TNFRSF19: variants seen among roughly 807,000 people sequenced by gnomAD.
TNFRSF19 encodes tumor necrosis factor receptor superfamily member 19.
In TNFRSF19, 27 loss-of-function variants were observed where a neutral mutation model predicts 46.4. The observed-to-expected ratio is 0.58, with a 90% CI of 0.43 to 0.80. TNFRSF19 has a LOEUF of 0.80. Among genes scored for constraint, TNFRSF19 ranks in the 30% least tolerant of loss-of-function variants. The probability of loss-of-function intolerance (pLI) is 0.00; values close to 1 mark genes in which losing one functional copy is unlikely to be tolerated. For synonymous variants in TNFRSF19, 204 were observed against 205.0 expected, an observed-to-expected ratio of 1.00 and a Z score of 0.04; for missense variants, 511 against 530.8, an observed-to-expected ratio of 0.96 and a Z score of 0.37.
chr13:23,583,223 A>C (rs951416628), intron 1 of TNFRSF19, among the ~76,000 whole-genome samples: 15 of 152,186 alleles, frequency 9.9e-5, no homozygotes, highest in African/African-American at 3.6e-4. Context: ...GTGTGACCAG[A>C]TGTTGTATTT....
At chr13:23,593,507 G>A (rs373822717) in intron 3 of TNFRSF19, 52 bp downstream of exon 3, 25 of 1,202,468 alleles carry the variant, frequency 2.1e-5, no homozygotes, top group Admixed American at 1.5e-4. Flanking sequence ...AAATGCATTC[G>A]TCTTAACTCA....
In TNFRSF19 at chr13:23,615,738, G is replaced by A. The variant is rs554955683; in HGVS notation, c.181-129G>A. 91 of 873,686 alleles carry A rather than the reference G, an allele frequency of 1.0e-4. 3 individuals carry two copies. The South Asian group carries it at 2.2e-3, about 21-fold the overall frequency. The allele number at this position is 873,686 out of a possible 1,614,324, so 54.1% of individuals were successfully genotyped here. A position where few individuals can be genotyped will look rare whatever the true frequency, so the allele number is the denominator to read the frequency against. ...AGACACATTTGAACTTGCTGAAAGA[G>A]CTGCCTTTGTGTCTAGGAAGGCCGA... is the stretch of plus-strand genomic sequence containing the variant. On this transcript the variant is annotated intron_variant, in intron 3 of 9. Coordinates refer to ENST00000248484, the MANE Select transcript of TNFRSF19 (RefSeq NM_148957.4).
At chr13:23,591,668 G>C (rs974760766) in intron 2 of TNFRSF19, among the ~76,000 whole-genome samples, 3 of 151,444 alleles carry the variant, frequency 2.0e-5, no homozygotes, top group Non-Finnish European at 4.4e-5. Flanking sequence ...GCAAGACTGG[G>C]AGTTGAGGAG....
At position 23,570,630 on chromosome 13, in the gene TNFRSF19, C is replaced by CATAT. The variant is rs551545388; in HGVS notation, c.-247_-244dup. On this transcript the variant is annotated 5_prime_UTR_variant, in exon 1 of 10. It introduces an in-frame stop codon into an upstream open reading frame of the 5' UTR. Coordinates refer to ENST00000248484, the MANE Select transcript of TNFRSF19 (RefSeq NM_148957.4). ...AAGTGAACTTTCTTTGATATCCATG[C>CATAT]ATATATATAAACTCAGCCCTGCCTT... 4.2e-3 allele frequency: 644 copies of CATAT among 152,298 alleles called. 3 individuals are homozygous for CATAT. The highest frequency in any genetic ancestry group is 0.015 in the African/African-American group (610 of 41,550). 9.4% of individuals were successfully genotyped at this position (152,298 alleles called of 1,614,324 possible).
intron 5 of TNFRSF19, among the ~76,000 whole-genome samples, chr13:23,643,397 T>C (rs1883138194): frequency 6.6e-6 from 1 of 152,220 alleles, no homozygotes; most frequent in Non-Finnish European, 1.5e-5. Flanking sequence ...AATGGGATAA[T>C]AGAAACCATT....
chr13:23,607,301 G>C (rs1250248444), intron 3 of TNFRSF19, among the ~76,000 whole-genome samples: 1 of 152,066 alleles, frequency 6.6e-6, no homozygotes, highest in Non-Finnish European at 1.5e-5. Flanking sequence ...AGGTGTGGTG[G>C]TGGGCGCCTT....
intron 4 of TNFRSF19, among the ~76,000 whole-genome samples, chr13:23,617,955 C>T (rs147346397): frequency 1.2e-3 from 176 of 152,116 alleles, no homozygotes; most frequent in African/African-American, 4.1e-3. Context: ...CCAGATGTCC[C>T]GGGGGTGGGG....
rs570239655 is a variant in TNFRSF19 at position 23,574,717 on chromosome 13, T to C, written c.-35+3869T>C. On this transcript the variant is annotated intron_variant, in intron 1 of 9. Coordinates refer to ENST00000248484, the MANE Select transcript of TNFRSF19 (RefSeq NM_148957.4). Reference sequence around the variant, plus strand: ...CTTTAAAGGATGGTTCTTTAAAACGTTGTCCACCTGGGTGAGCTCTGTGAT... The same window carrying C: ...CTTTAAAGGATGGTTCTTTAAAACGCTGTCCACCTGGGTGAGCTCTGTGAT... Among the ~76,000 whole-genome samples the C allele has an allele frequency of 1.6e-4, 24 of 152,288 alleles. No individual in the cohort carries two copies. In the South Asian group the frequency reaches 4.8e-3, roughly 30 times the overall value.
intron 3 of TNFRSF19, among the ~76,000 whole-genome samples, chr13:23,611,075 C>G (rs573293671): frequency 2.6e-5 from 4 of 152,126 alleles, no homozygotes; most frequent in African/African-American, 9.6e-5. Flanking sequence ...GATGGACATA[C>G]TCTGCCTATA....
At chr13:23,596,551 C>G (rs879926914) in intron 3 of TNFRSF19, among the ~76,000 whole-genome samples, 2 of 152,150 alleles carry the variant, frequency 1.3e-5, no homozygotes, top group Admixed American at 6.5e-5. Context: ...GAAGGGCTAA[C>G]TATCCTAAAT....
At chr13:23,671,663 A>G (rs956336818) in intron 9 of TNFRSF19, among the ~76,000 whole-genome samples, 1 of 152,098 alleles carries the variant, frequency 6.6e-6, no homozygotes, top group African/African-American at 2.4e-5. Context: ...TTCTTTCCCA[A>G]TCTAAATTCC....
intron 7 of TNFRSF19, among the ~76,000 whole-genome samples, chr13:23,664,585 G>T (rs190306834): frequency 6.6e-6 from 1 of 152,094 alleles, no homozygotes; most frequent in Admixed American, 6.6e-5. Flanking sequence ...GCACCATTTT[G>T]TCTAATAACC....
Position 23,669,024 on chromosome 13 carries a change from CACTA to C in TNFRSF19, c.1177_1180del (p.Thr393Ter), listed in dbSNP as rs1565956841. On this transcript the variant is annotated frameshift_variant, in exon 9 of 10. Coordinates refer to ENST00000248484, the MANE Select transcript of TNFRSF19 (RefSeq NM_148957.4). LOFTEE classifies it high-confidence loss of function. ...GTAGAATCAGCATCAACTCAGGATG[CACTA>C]ACTATGAGAAGCCAGCTAGATCAGG... 4 of 1,614,082 alleles carry C rather than the reference CACTA, an allele frequency of 2.5e-6. No individual in the cohort carries two copies. Among genetic ancestry groups the C allele is most frequent in the Middle Eastern group, 1.6e-4 (1 of 6,084 alleles).
intron 5 of TNFRSF19, among the ~76,000 whole-genome samples, chr13:23,643,795 C>A (rs1276086621): frequency 1.3e-5 from 2 of 152,218 alleles, no homozygotes; most frequent in Non-Finnish European, 2.9e-5. Context: ...ACCTCCACCC[C>A]ACAATGCCCC....
In TNFRSF19 at chr13:23,669,288, A is replaced by G. The variant is rs3751359; in HGVS notation, c.1245+191A>G. On this transcript the variant is annotated intron_variant, in intron 9 of 9. Coordinates refer to ENST00000248484, the MANE Select transcript of TNFRSF19 (RefSeq NM_148957.4). ...TTTAAAAAACTAACACAGCTAATATATAAGAGCAAAGTGGACAGCTGCATT... is the reference window on the plus strand; with the variant it reads ...TTTAAAAAACTAACACAGCTAATATGTAAGAGCAAAGTGGACAGCTGCATT... 1,204,591 of 1,397,754 alleles carry G rather than the reference A, an allele frequency of 0.86. 521,068 individuals are homozygous for G. Among genetic ancestry groups the G allele is most frequent in the Non-Finnish European group, 0.88 (956,569 of 1,084,442 alleles). The allele number at this position is 1,397,754 out of a possible 1,614,324, so 86.6% of individuals were successfully genotyped here.
intron 5 of TNFRSF19, among the ~76,000 whole-genome samples, chr13:23,643,650 T>A (rs1883151050): frequency 6.6e-6 from 1 of 152,154 alleles, no homozygotes; most frequent in African/African-American, 2.4e-5. Flanking sequence ...AGGATGGCAA[T>A]AAAACAATGA....
chr13:23,586,048 A>G (rs1878801728), intron 1 of TNFRSF19, among the ~76,000 whole-genome samples: 3 of 152,110 alleles, frequency 2.0e-5, no homozygotes, highest in Admixed American at 2.0e-4. Context: ...AGGCGGGCGG[A>G]TCACAAGGTC....
intron 1 of TNFRSF19, among the ~76,000 whole-genome samples, chr13:23,586,270 A>AAG (rs1168205029): frequency 2.6e-5 from 4 of 151,790 alleles, no homozygotes; most frequent in Non-Finnish European, 5.9e-5. Context: ...AAAAAAAAAA[A>AAG]AAAAAAGAAA....
At chr13:23,584,813 A>C (rs1878707445) in intron 1 of TNFRSF19, among the ~76,000 whole-genome samples, 2 of 152,210 alleles carry the variant, frequency 1.3e-5, no homozygotes, top group Admixed American at 1.3e-4. Context: ...GTATATTCTT[A>C]GCACACCTTT....
Sources: allele counts gnomAD v4.1 joint callset (sites outside exome capture counted in the v4.1 genomes callset), GRCh38; gene constraint gnomAD v4.1.1; transcripts MANE v1.5; gene names NCBI Gene and HGNC (gene_info 2026-07-23, HGNC 2026-07-21).